The following RANBP2 variants were observed in gnomAD, a reference collection of about 807,000 sequenced individuals.
RANBP2 encodes the protein RAN binding protein 2, also known as E3 SUMO-protein ligase RanBP2.
RANBP2 carries 57 observed loss-of-function variants against 303.6 expected under a neutral mutation model. The observed-to-expected ratio is 0.19, with a 90% CI of 0.15 to 0.23. The LOEUF (loss-of-function observed/expected upper bound fraction) is 0.23. Ranked by LOEUF, RANBP2 falls within the 10% of genes least tolerant of loss-of-function variation. The pLI, the probability that RANBP2 is intolerant of heterozygous loss-of-function variation, is 1.00. For missense variants in RANBP2, 3,138 were observed against 3,780.8 expected (o/e 0.83, Z 4.46); for synonymous variants, 1,167 against 1,301.5 (o/e 0.90, Z 2.23).
chr2:109,697,796 C>T, the RANBP2 span, among the ~76,000 whole-genome samples: 1 of 151,274 alleles, frequency 6.6e-6, no homozygotes, highest in Non-Finnish European at 1.5e-5. Flanking sequence ...AAACATCCTT[C>T]CCTTATTCAT....
chr2:109,726,862 G>A, the RANBP2 span, among the ~76,000 whole-genome samples: 2 of 152,170 alleles, frequency 1.3e-5, no homozygotes, highest in Non-Finnish European at 2.9e-5. Flanking sequence ...AGTGGACAGA[G>A]GCAGGGAGGT....
At chr2:109,396,676 A>G in the RANBP2 span, among the ~76,000 whole-genome samples, 1 of 152,208 alleles carries the variant, frequency 6.6e-6, no homozygotes, top group Admixed American at 6.5e-5. Context: ...GGAATCTCCT[A>G]GACCAGGCTG....
At chr2:109,003,625 G>T in the RANBP2 span, among the ~76,000 whole-genome samples, 2 of 152,036 alleles carry the variant, frequency 1.3e-5, no homozygotes, top group South Asian at 4.2e-4. Flanking sequence ...TGCTCAGGCT[G>T]GTCTTGAACT....
the RANBP2 span, among the ~76,000 whole-genome samples, chr2:108,938,969 G>A: frequency 2.6e-5 from 4 of 152,048 alleles, no homozygotes; most frequent in East Asian, 3.9e-4. Flanking sequence ...TATTAGAGAC[G>A]GGGTTTCACC....
chr2:109,154,002 C>T, the RANBP2 span, among the ~76,000 whole-genome samples: 18 of 152,288 alleles, frequency 1.2e-4, no homozygotes, highest in South Asian at 2.1e-3. Flanking sequence ...AGCCAAGTGA[C>T]CTGGTCAGTG....
chr2:108,861,225 CT>C, the RANBP2 span, among the ~76,000 whole-genome samples: 1 of 150,132 alleles, frequency 6.7e-6, no homozygotes, highest in South Asian at 2.1e-4. Context: ...CTCTTTTTTT[CT>C]TTGTTGATCT....
the RANBP2 span, among the ~76,000 whole-genome samples, chr2:109,400,068 G>T: frequency 6.6e-6 from 1 of 152,228 alleles, no homozygotes; most frequent in African/African-American, 2.4e-5. Flanking sequence ...TAAGCAACTG[G>T]CTGGGAAGAA....
Position 108,770,621 on chromosome 2 carries a change from C to CAAAT in RANBP2, c.7850-1059_7850-1056dup, listed in dbSNP as rs201440964. On this transcript the variant is annotated intron_variant, in intron 20 of 28. Coordinates refer to ENST00000283195, the MANE Select transcript of RANBP2 (RefSeq NM_006267.5). ...TGGGTGACAAAGCAAGACTGCATCTCAAATAAATAAATAAATAAATAAATT... is the reference window on the plus strand; with the variant it reads ...TGGGTGACAAAGCAAGACTGCATCTCAAATAAATAAATAAATAAATAAATAAATT... 3.5e-3 allele frequency among the ~76,000 whole-genome samples: 524 copies of CAAAT among 150,268 alleles called. 1 individual carries two copies. The highest frequency in any genetic ancestry group is 0.012 in the African/African-American group (494 of 40,782).
At chr2:109,011,226 A>T in the RANBP2 span, among the ~76,000 whole-genome samples, 1 of 152,158 alleles carries the variant, frequency 6.6e-6, no homozygotes, top group Non-Finnish European at 1.5e-5. Flanking sequence ...TGTTGAGCAC[A>T]TCTTCAGGAA....
the RANBP2 span, among the ~76,000 whole-genome samples, chr2:109,153,162 A>G: frequency 6.6e-6 from 1 of 152,236 alleles, no homozygotes; most frequent in Non-Finnish European, 1.5e-5. Context: ...GAACAGAACC[A>G]GCATCTAAAC....
chr2:109,323,206 G>A, the RANBP2 span, among the ~76,000 whole-genome samples: 1 of 152,186 alleles, frequency 6.6e-6, no homozygotes, highest in South Asian at 2.1e-4. Flanking sequence ...TGGGAAGGAG[G>A]GCCGGGGGCC....
In RANBP2 at chr2:108,766,570, A is replaced by T. The variant is rs1411774283; in HGVS notation, c.6031A>T (p.Ile2011Phe). 1.2e-6 allele frequency: 2 copies of T among 1,611,874 alleles called. No homozygotes were observed. The highest frequency in any genetic ancestry group is 2.7e-5 in the African/African-American group (2 of 74,836). ...DAYKTEDSDD[I>F]HFEPVVQMPE... ...CTATAAGACTGAGGACAGCGATGAC[A>T]TCCATTTTGAACCAGTAGTTCAAAT... Residue 2011 changes from isoleucine (I) to phenylalanine (F), a missense_variant, in exon 20 of 29, where the codon ATC becomes TTC. This residue lies in a region of RANBP2 where 348 missense variants were observed against 360.4 expected (regional missense o/e 0.97). Transcript: ENST00000283195.
chr2:108,851,726 C>T, the RANBP2 span, among the ~76,000 whole-genome samples: 2 of 152,138 alleles, frequency 1.3e-5, no homozygotes. Context: ...AGATTAGAGT[C>T]CTGGCTTGGG....
the RANBP2 span, chr2:108,856,808 C>T: frequency 6.2e-7 from 1 of 1,613,108 alleles, no homozygotes; most frequent in Non-Finnish European, 8.5e-7. Flanking sequence ...TTACCTGGCT[C>T]AGGCATTTGA....
the RANBP2 span, among the ~76,000 whole-genome samples, chr2:109,154,760 A>G: frequency 9.8e-5 from 15 of 152,286 alleles, no homozygotes; most frequent in African/African-American, 3.6e-4. Context: ...ATCCCTTAGA[A>G]GTCTCAGAGT....
the RANBP2 span, among the ~76,000 whole-genome samples, chr2:109,571,502 G>C: frequency 6.6e-6 from 1 of 152,166 alleles, no homozygotes; most frequent in Non-Finnish European, 1.5e-5. Flanking sequence ...GTAAGTGTGT[G>C]TATGTAGGCA....
the RANBP2 span, among the ~76,000 whole-genome samples, chr2:109,577,702 C>G: frequency 5.9e-5 from 9 of 151,600 alleles, no homozygotes; most frequent in Non-Finnish European, 1.2e-4. Flanking sequence ...CGCTTGAGGC[C>G]AGGAGTTTGA....
At chr2:109,269,664 A>G in the RANBP2 span, among the ~76,000 whole-genome samples, 6 of 152,234 alleles carry the variant, frequency 3.9e-5, no homozygotes, top group South Asian at 2.1e-4. Context: ...GCCTAGTCCC[A>G]GCTACTCAGG....
chr2:109,628,449 G>A, the RANBP2 span, among the ~76,000 whole-genome samples: 5 of 151,376 alleles, frequency 3.3e-5, no homozygotes, highest in East Asian at 1.9e-4. Flanking sequence ...AGTGGAGATC[G>A]CGCCACTGCA....
Sources: allele counts gnomAD v4.1 joint callset (sites outside exome capture counted in the v4.1 genomes callset), GRCh38; gene constraint gnomAD v4.1.1; regional missense constraint gnomAD v4.1.1; transcripts MANE v1.5; gene names NCBI Gene and HGNC (gene_info 2026-07-23, HGNC 2026-07-21).